PTPRH: variants seen among roughly 807,000 people sequenced by gnomAD.
PTPRH encodes the protein protein tyrosine phosphatase receptor type H.
In PTPRH, 113 loss-of-function variants were observed where a neutral mutation model predicts 130.2. The ratio of observed to expected loss-of-function variants is 0.87; its 90% CI spans 0.75 to 1.01. The LOEUF is 1.01. Ranked by LOEUF, PTPRH falls within the 50% of genes least tolerant of loss-of-function variation. PTPRH has a pLI of 0.00. For synonymous variants in PTPRH, 556 were observed against 577.9 expected, an observed-to-expected ratio of 0.96 and a Z score of 0.54; for missense variants, 1,430 against 1,425.0, an observed-to-expected ratio of 1.00 and a Z score of -0.06.
chr19:55,190,568 CATATAAT>C (rs2086503207), intron 12 of PTPRH, among the ~76,000 whole-genome samples: 4 of 128,634 alleles, frequency 3.1e-5, no homozygotes, highest in South Asian at 4.5e-4. Flanking sequence ...ATATATATAA[CATATAAT>C]ATATTATATA....
chr19:55,203,984 C>T lies in PTPRH; in HGVS notation c.684G>A (p.Trp228Ter), dbSNP rs1195211033. ...AQTTSSISLS[W>*]EVPDGTDPQN... ...GTGGGTCTGTGCCATCGGGGACCTC[C>T]CAGCTCAGGGAGATGGAGCTGGTGG... Residue 228 changes from tryptophan to a stop codon, truncating the protein, a stop_gained, in exon 5 of 20, where the codon TGG becomes TGA. Transcript: ENST00000376350. LOFTEE classifies it high-confidence loss of function. The T allele has an allele frequency of 1.9e-6, 3 of 1,614,204 alleles. No individual in the cohort carries two copies.
chr19:55,205,131 C>T (rs918439839), intron 4 of PTPRH, among the ~76,000 whole-genome samples, 195 bp downstream of exon 4: 1 of 151,880 alleles, frequency 6.6e-6, no homozygotes, highest in African/African-American at 2.4e-5. Context: ...CACAGACCGG[C>T]CCCAGCTTAG....
In PTPRH at chr19:55,186,281, A is replaced by G; in HGVS notation, c.2722T>C (p.Trp908Arg). ...QTVGDFWRLVWEQQSHTLVML... is the reference protein window; with the variant it reads ...QTVGDFWRLVREQQSHTLVML... ...ACCAGGGTGTGGCTCTGCTGTTCCCACACCAGGCGCCAGAAGTCACCCACT... is the reference window on the plus strand; with the variant it reads ...ACCAGGGTGTGGCTCTGCTGTTCCCGCACCAGGCGCCAGAAGTCACCCACT... Residue 908 changes from tryptophan (W) to arginine (R), a missense_variant, in exon 16 of 20, where the codon TGG (tryptophan) becomes CGG (arginine). Trp to Arg is a moderately radical substitution (Grantham distance 101). Coordinates refer to ENST00000376350, the MANE Select transcript of PTPRH (RefSeq NM_002842.5). 6.2e-7 allele frequency: 1 copy of G among 1,613,926 alleles called. No homozygotes were observed. Among genetic ancestry groups the G allele is most frequent in the Non-Finnish European group, 8.5e-7 (1 of 1,179,932 alleles).
chr19:55,204,018 T>C lies in PTPRH; in HGVS notation c.650A>G (p.Glu217Gly), dbSNP rs2122281185. The C allele has an allele frequency of 1.2e-6, 2 of 1,613,986 alleles. No homozygotes were observed. The highest frequency in any genetic ancestry group is 4.5e-5 in the East Asian group (2 of 44,880). Reference protein sequence around the residue: ...AHNPVRNLRVEAQTTSSISLS... With the variant: ...AHNPVRNLRVGAQTTSSISLS... ...GGAGATGGAGCTGGTGGTCTGAGCC[T>C]CCACTCTCAGGTTCCTCACTGGGTT... The change falls in exon 5 of 20, where the codon GAG becomes GGG. Residue 217 changes from glutamate to glycine, a missense_variant. Coordinates refer to ENST00000376350, the MANE Select transcript of PTPRH (RefSeq NM_002842.5).
chr19:55,204,161 C>T (rs2086968680), intron 4 of PTPRH, 113 bp from the exon 5 acceptor site: 3 of 1,243,434 alleles, frequency 2.4e-6, no homozygotes, highest in Non-Finnish European at 3.3e-6. Context: ...TGTCTGTCAT[C>T]CAGGCTGGAG....
chr19:55,187,637 G>A, intron 13 of PTPRH, 34 bp from the exon 14 acceptor site: 1 of 1,519,168 alleles, frequency 6.6e-7, no homozygotes, highest in Non-Finnish European at 9.1e-7. Context: ...ACCTGGTGTT[G>A]GATTTTCTCT....
Position 55,185,912 on chromosome 19 carries a change from C to A in PTPRH, c.2851G>T (p.Gly951Cys). 6.2e-7 allele frequency: 1 copy of A among 1,614,164 alleles called. No individual in the cohort carries two copies. ...GTCCAGTTCTCCATCACTTCCTCACCTACCAGGGTTACCCGCAGGTGCCCA... is the reference window on the plus strand; with the variant it reads ...GTCCAGTTCTCCATCACTTCCTCACATACCAGGGTTACCCGCAGGTGCCCA... ...THGHLRVTLV[G>C]EEVMENWTVR... The change falls in exon 17 of 20, where the codon GGT becomes TGT. Residue 951 changes from glycine (G) to cysteine (C), a missense_variant. Physicochemically the swap from Gly to Cys is radical, Grantham distance 159. Transcript: ENST00000376350.
chr19:55,203,587 T>C (rs538742508), intron 5 of PTPRH, among the ~76,000 whole-genome samples, 195 bp downstream of exon 5: 1 of 151,716 alleles, frequency 6.6e-6, no homozygotes, highest in Non-Finnish European at 1.5e-5. Flanking sequence ...ACTTTTTTAT[T>C]TTTTTTGTAG....
chr19:55,198,717 C>G lies in PTPRH; in HGVS notation c.1616G>C (p.Ser539Thr). 6.2e-7 allele frequency: 1 copy of G among 1,614,120 alleles called. No individual in the cohort carries two copies. The highest frequency in any genetic ancestry group is 8.5e-7 in the Non-Finnish European group (1 of 1,179,976). Residue 539 changes from serine (S) to threonine (T), a missense_variant, in exon 8 of 20, where the codon AGC (serine) becomes ACC (threonine). Transcript: ENST00000376350. ...GGCCCAGACGGTGAGGTGGTACAGG[C>G]TGCCAGCTTCCAGTTCCTTTAGGGT... is the stretch of plus-strand genomic sequence containing the variant. ...DITLKELEAGSLYHLTVWAER... is the reference protein window; with the variant it reads ...DITLKELEAGTLYHLTVWAER...
chr19:55,187,293 C>A (rs373330426), intron 14 of PTPRH, among the ~76,000 whole-genome samples: 7 of 114,992 alleles, frequency 6.1e-5, no homozygotes, highest in African/African-American at 1.5e-4. Context: ...TGCAGTGAGC[C>A]GAGATCGCGC....
In PTPRH at chr19:55,188,027, G is replaced by T. The variant is rs769420970; in HGVS notation, c.2475+51C>A. On this transcript the variant is annotated intron_variant, in intron 13 of 19. Coordinates refer to ENST00000376350, the MANE Select transcript of PTPRH (RefSeq NM_002842.5). ...TCTGGCCAGGGGGTGGGGGGTGGGG[G>T]TCTGGGCCACCGGAGGGAGACTGAG... 2.8e-6 allele frequency: 4 copies of T among 1,410,718 alleles called. No individual in the cohort carries two copies. In the Admixed American group the frequency reaches 5.1e-5, roughly 18 times the overall value. The allele number at this position is 1,410,718 out of a possible 1,614,324, so 87.4% of individuals were successfully genotyped here.
intron 1 of PTPRH, 69 bp from the exon 2 acceptor site, chr19:55,207,268 T>G (rs907726826): frequency 6.5e-7 from 1 of 1,545,266 alleles, no homozygotes; most frequent in South Asian, 1.2e-5. Flanking sequence ...GCCGAGGGGC[T>G]GGGAGGAGCG....
In PTPRH at chr19:55,186,256, A is replaced by C; in HGVS notation, c.2747T>G (p.Val916Gly). 1 of 1,613,172 alleles carries C rather than the reference A, an allele frequency of 6.2e-7. No individual in the cohort carries two copies. The highest frequency in any genetic ancestry group is 8.5e-7 in the Non-Finnish European group (1 of 1,179,324). The change falls in exon 16 of 20, where the codon GTC (valine) becomes GGC (glycine). Residue 916 changes from valine to glycine, a missense_variant. Physicochemically the swap from Val to Gly is moderately radical, Grantham distance 109. Transcript: ENST00000376350. ...LVWEQQSHTL[V>G]MLTNCMEAGR... ...GGCCTCCATGCAGTTGGTCAGCATG[A>C]CCAGGGTGTGGCTCTGCTGTTCCCA...
intron 18 of PTPRH, 58 bp downstream of exon 18, chr19:55,185,444 T>C: frequency 1.9e-6 from 3 of 1,585,148 alleles, no homozygotes; most frequent in Non-Finnish European, 2.6e-6. Flanking sequence ...CTAACACAAC[T>C]GTCTGAGCCC....
At chr19:55,192,052 T>G in intron 10 of PTPRH, 1 of 490,902 alleles carries the variant, frequency 2.0e-6, no homozygotes, top group Non-Finnish European at 3.9e-6. Flanking sequence ...ACATTTTCTC[T>G]TCCTTAGGAT....
At chr19:55,194,261 A>G (rs1380274237) in intron 10 of PTPRH, 1 of 1,289,724 alleles carries the variant, frequency 7.8e-7, no homozygotes, top group Non-Finnish European at 1.0e-6. Context: ...CATCTTCATC[A>G]GCCTTGAAGG....
At chr19:55,187,383 G>GA in intron 14 of PTPRH, 130 bp downstream of exon 14, 4 of 444,074 alleles carry the variant, frequency 9.0e-6, no homozygotes, top group Non-Finnish European at 7.7e-6. Context: ...AAAAAAAAAG[G>GA]AAGAAAAAAA....
Position 55,185,579 on chromosome 19 carries a change from G to A in PTPRH, c.2985C>T (p.Thr995=), listed in dbSNP as rs2086295136. 6.2e-7 allele frequency: 1 copy of A among 1,614,230 alleles called. No individual in the cohort carries two copies. Among genetic ancestry groups the A allele is most frequent in the African/African-American group, 1.3e-5 (1 of 75,046 alleles). ...PDHGVPSSPD[T]LLAFWRMLRQ... ...GAAGCATCCTCCAGAAAGCCAGCAAGGTGTCTGGGGAGGAGGGAACGCCGT... is the reference window on the plus strand; with the variant it reads ...GAAGCATCCTCCAGAAAGCCAGCAAAGTGTCTGGGGAGGAGGGAACGCCGT... Residue 995 remains threonine, a synonymous_variant, in exon 18 of 20, where the codon ACC becomes ACT. Coordinates refer to ENST00000376350, the MANE Select transcript of PTPRH (RefSeq NM_002842.5).
At chr19:55,189,285 C>G (rs1285716053) in intron 12 of PTPRH, among the ~76,000 whole-genome samples, 1 of 152,220 alleles carries the variant, frequency 6.6e-6, no homozygotes, top group Non-Finnish European at 1.5e-5. Flanking sequence ...CACGCCTGGC[C>G]TCTTGTCTGG....
Sources: gnomAD v4.1 joint callset for allele counts (sites outside exome capture counted in the v4.1 genomes callset) on GRCh38, gnomAD v4.1.1 for gene constraint, MANE v1.5 for transcripts, NCBI Gene and HGNC (gene_info 2026-07-23, HGNC 2026-07-21) for gene names.